UNC13B: variants seen among roughly 807,000 people sequenced by gnomAD.
UNC13B encodes protein unc-13 homolog B.
A neutral mutation model predicts 211.0 loss-of-function variants in UNC13B; 144 were observed. The ratio of observed to expected loss-of-function variants is 0.68; its 90% CI spans 0.60 to 0.78. The LOEUF (loss-of-function observed/expected upper bound fraction) is 0.78, where lower values mean the gene tolerates loss of function less well. Among genes scored for constraint, UNC13B ranks in the 30% least tolerant of loss-of-function variants. The pLI, the probability that UNC13B is intolerant of heterozygous loss-of-function variation, is 0.00. For missense variants in UNC13B, 1,777 were observed against 2,002.0 expected, an observed-to-expected ratio of 0.89 and a Z score of 2.14; for synonymous variants, 709 against 725.8, an observed-to-expected ratio of 0.98 and a Z score of 0.37.
intron 1 of UNC13B, among the ~76,000 whole-genome samples, chr9:35,219,511 G>A (rs1824451860): frequency 1.3e-5 from 2 of 151,946 alleles, no homozygotes; most frequent in Admixed American, 6.6e-5. Flanking sequence ...TAGCTACTTG[G>A]GAGGCTAAGG....
At chr9:35,170,372 G>C (rs1821269102) in intron 1 of UNC13B, among the ~76,000 whole-genome samples, 1 of 151,900 alleles carries the variant, frequency 6.6e-6, no homozygotes, top group Non-Finnish European at 1.5e-5. Flanking sequence ...CACCATGTTG[G>C]CCAGGCTGGT....
At chr9:35,253,331 G>A (rs575784905) in intron 6 of UNC13B, among the ~76,000 whole-genome samples, 1 of 151,790 alleles carries the variant, frequency 6.6e-6, no homozygotes, top group Admixed American at 6.6e-5. Flanking sequence ...TTGTGGAGGT[G>A]GGGTCTTGCT....
intron 1 of UNC13B, among the ~76,000 whole-genome samples, chr9:35,210,139 T>G (rs180689303): frequency 1.3e-5 from 2 of 152,284 alleles, no homozygotes; most frequent in Admixed American, 1.3e-4. Flanking sequence ...CAAGAACAAA[T>G]AATTCCTAAT....
chr9:35,307,546 G>T lies in UNC13B; in HGVS notation c.8142G>T (p.Gln2714His). Residue 2714 changes from glutamine (Q) to histidine (H), a missense_variant, in exon 9 of 40, where the codon CAG (glutamine) becomes CAT (histidine). By Grantham distance (24) the Gln-to-His change is conservative (BLOSUM62 0). Coordinates refer to ENST00000635942, the MANE Select transcript of UNC13B (RefSeq NM_001371189.2). ...TGTTCAATGATGCAAGTGTGAGCCA[G>T]AGCACCACTCTGGAAACCGAAGGGC... Reference protein sequence around the residue: ...TMLFNDASVSQSTTLETEGHF... With the variant: ...TMLFNDASVSHSTTLETEGHF... The T allele has an allele frequency of 2.5e-6, 1 of 399,026 alleles. No homozygotes were observed. The highest frequency in any genetic ancestry group is 1.3e-4 in the South Asian group (1 of 7,846). The allele number at this position is 399,026 out of a possible 1,614,324, so 24.7% of individuals were successfully genotyped here. A position where few individuals can be genotyped will look rare whatever the true frequency, so the allele number is the denominator to read the frequency against.
chr9:35,389,811 T>C, intron 24 of UNC13B, 35 bp from the exon 25 acceptor site: 2 of 1,611,940 alleles, frequency 1.2e-6, no homozygotes, highest in South Asian at 1.1e-5. Context: ...CTCTGACTCT[T>C]TCTCCCTCTC....
chr9:35,250,957 C>CTTTT (rs35077779), intron 6 of UNC13B, among the ~76,000 whole-genome samples: 114 of 77,064 alleles, frequency 1.5e-3, no homozygotes, highest in Non-Finnish European at 1.6e-3. Context: ...GTTACTCTTC[C>CTTTT]TTTTTTTTTT....
At chr9:35,393,818 C>T (rs771425254) in intron 26 of UNC13B, among the ~76,000 whole-genome samples, 1 of 151,916 alleles carries the variant, frequency 6.6e-6, no homozygotes, top group Non-Finnish European at 1.5e-5. Flanking sequence ...TGATCCACCC[C>T]CCTCAGCCTC....
chr9:35,281,704 TATAGA>T (rs1828505735), intron 7 of UNC13B, among the ~76,000 whole-genome samples: 1 of 152,202 alleles, frequency 6.6e-6, no homozygotes, highest in African/African-American at 2.4e-5. Flanking sequence ...ACCCTTATAG[TATAGA>T]ATAGTTACGC....
intron 13 of UNC13B, 118 bp downstream of exon 13, chr9:35,370,514 C>T: frequency 1.1e-6 from 1 of 929,880 alleles, no homozygotes; most frequent in Non-Finnish European, 1.6e-6. Context: ...ATCTGATGAT[C>T]AATCATTTAA....
At chr9:35,238,084 CTT>C (rs762919110) in intron 5 of UNC13B, among the ~76,000 whole-genome samples, 2 of 152,218 alleles carry the variant, frequency 1.3e-5, no homozygotes, top group African/African-American at 2.4e-5. Context: ...ATTATAATGA[CTT>C]ATGAAATATT....
chr9:35,401,811 C>T lies in UNC13B; in HGVS notation c.12485-1356C>T, dbSNP rs1023023817. On this transcript the variant is annotated intron_variant, in intron 37 of 39. Transcript: ENST00000635942. ...GACTGCAGCTCTTTCACTTCTTTCT[C>T]CACTCTGCCCCACCTCTGTGCTCCC... The T allele has an allele frequency of 1.5e-4, 115 of 746,972 alleles. 1 individual carries two copies. In the East Asian group the frequency reaches 2.8e-3, roughly 18 times the overall value. The allele number at this position is 746,972 out of a possible 1,614,324, so 46.3% of individuals were successfully genotyped here. A position where few individuals can be genotyped will look rare whatever the true frequency, so the allele number is the denominator to read the frequency against.
At chr9:35,268,928 T>C (rs1446193183) in intron 7 of UNC13B, among the ~76,000 whole-genome samples, 1 of 152,212 alleles carries the variant, frequency 6.6e-6, no homozygotes, top group Non-Finnish European at 1.5e-5. Context: ...AAAATGATGA[T>C]TTTCTAATTC....
Position 35,329,728 on chromosome 9 carries a change from A to G in UNC13B, c.9414+15739A>G, listed in dbSNP as rs142333949. Reference sequence around the variant, plus strand: ...GGTCTCGAACTCCCAAGCTCAAACAATCTGCCCCCCTTGGCCTCCCAAAGT... The same window carrying G: ...GGTCTCGAACTCCCAAGCTCAAACAGTCTGCCCCCCTTGGCCTCCCAAAGT... On this transcript the variant is annotated intron_variant, in intron 11 of 39. Coordinates refer to ENST00000635942, the MANE Select transcript of UNC13B (RefSeq NM_001371189.2). Among the ~76,000 whole-genome samples, 315 of 152,238 alleles carry G rather than the reference A, an allele frequency of 2.1e-3. 2 individuals carry two copies. Among genetic ancestry groups the G allele is most frequent in the African/African-American group, 6.5e-3 (268 of 41,538 alleles).
At position 35,305,724 on chromosome 9, in the gene UNC13B, G is replaced by C; in HGVS notation, c.6320G>C (p.Gly2107Ala). ...SSRESSVETS[G>A]VTTVTEVSKS... ...AGGGAGTCTTCAGTAGAAACTAGTG[G>C]TGTGACTACAGTGACAGAAGTTTCA... The change falls in exon 9 of 40, where the codon GGT becomes GCT. Residue 2107 changes from glycine (G) to alanine (A), a missense_variant. Physicochemically the swap from Gly to Ala is moderately conservative, Grantham distance 60. Transcript: ENST00000635942. 1 of 398,972 alleles carries C rather than the reference G, an allele frequency of 2.5e-6. No homozygotes were observed. Among genetic ancestry groups the C allele is most frequent in the Non-Finnish European group, 4.4e-6 (1 of 226,040 alleles). The allele number at this position is 398,972 out of a possible 1,614,324, so 24.7% of individuals were successfully genotyped here.
chr9:35,301,983 A>T lies in UNC13B; in HGVS notation c.2579A>T (p.Lys860Ile). ...GGTCATTCCTTTTCCTTTAGTGGAAAACTAAATCTTCCATTTTTTAGAAGT... is the reference window on the plus strand; with the variant it reads ...GGTCATTCCTTTTCCTTTAGTGGAATACTAAATCTTCCATTTTTTAGAAGT... ...KDGHSFSFSG[K>I]LNLPFFRSLG... Residue 860 changes from lysine (K) to isoleucine (I), a missense_variant, in exon 9 of 40, where the codon AAA (lysine) becomes ATA (isoleucine). Transcript: ENST00000635942. The T allele has an allele frequency of 2.5e-6, 1 of 398,798 alleles. No homozygotes were observed. The highest frequency in any genetic ancestry group is 1.3e-4 in the South Asian group (1 of 7,850). The allele number at this position is 398,798 out of a possible 1,614,324, so 24.7% of individuals were successfully genotyped here. A position where few individuals can be genotyped will look rare whatever the true frequency, so the allele number is the denominator to read the frequency against.
intron 7 of UNC13B, among the ~76,000 whole-genome samples, chr9:35,277,640 A>G (rs1266931127): frequency 6.6e-6 from 1 of 151,978 alleles, no homozygotes; most frequent in African/African-American, 2.4e-5. Context: ...GTTCTTAGTG[A>G]GTAGCTATGT....
Position 35,381,121 on chromosome 9 carries a change from C to T in UNC13B, c.10397C>T (p.Ala3466Val). The stretch of plus-strand genomic sequence containing the variant: ...CTAGAGAAGAGGACAGACAAATCAG[C>T]CGTCTCAGGGGCTATCCGACTACAA... The part of the protein sequence containing the change: ...YNLEKRTDKS[A>V]VSGAIRLQIS... The change falls in exon 19 of 40, where the codon GCC (alanine) becomes GTC (valine). Residue 3466 changes from alanine (A) to valine (V), a missense_variant. Physicochemically the swap from Ala to Val is moderately conservative, Grantham distance 64 (BLOSUM62 0). Transcript: ENST00000635942. 6.2e-7 allele frequency: 1 copy of T among 1,614,040 alleles called. No homozygotes were observed.
chr9:35,399,775 T>G (rs758331710), intron 36 of UNC13B, 46 bp downstream of exon 36: 2 of 1,596,170 alleles, frequency 1.3e-6, no homozygotes, highest in South Asian at 2.2e-5. Flanking sequence ...CCACACTCAC[T>G]TGGCCCTGGC....
chr9:35,171,712 G>C (rs1821343065), intron 1 of UNC13B, among the ~76,000 whole-genome samples: 1 of 152,200 alleles, frequency 6.6e-6, no homozygotes, highest in Non-Finnish European at 1.5e-5. Flanking sequence ...CCCCAGGCTA[G>C]TTTATTTTGA....
Sources: gnomAD v4.1 joint callset for allele counts (sites outside exome capture counted in the v4.1 genomes callset) on GRCh38, gnomAD v4.1.1 for gene constraint, MANE v1.5 for transcripts, NCBI Gene and HGNC (gene_info 2026-07-23, HGNC 2026-07-21) for gene names.